FIGNL2: variants seen among roughly 807,000 people sequenced by gnomAD.
The protein encoded by FIGNL2 is fidgetin like 2.
For synonymous variants in FIGNL2, 565 were observed against 484.0 expected (o/e 1.17, Z -2.20); for missense variants, 1,060 against 950.2 (o/e 1.12, Z -1.52).
chr12:51,836,109 C>T (rs1200701970), intron 1 of FIGNL2, among the ~76,000 whole-genome samples: 2 of 152,322 alleles, frequency 1.3e-5, no homozygotes, highest in East Asian at 3.9e-4. Context: ...CCGTGCCCTG[C>T]AGGCTTCTTT....
chr12:51,847,276 G>C (rs1191454723), intron 1 of FIGNL2: 33 of 985,288 alleles, frequency 3.3e-5, no homozygotes, highest in Non-Finnish European at 4.0e-5. Flanking sequence ...GCATCTGCGG[G>C]CCCAGCCCAC....
At chr12:51,834,654 G>A (rs1199517870) in intron 1 of FIGNL2, among the ~76,000 whole-genome samples, 6 of 152,200 alleles carry the variant, frequency 3.9e-5, no homozygotes, top group Non-Finnish European at 5.9e-5. Context: ...CTGGCCAAGC[G>A]GCCCCCATCT....
Position 51,820,671 on chromosome 12 carries a change from C to T in FIGNL2, c.1743G>A (p.Arg581=), listed in dbSNP as rs1281918266. 6.6e-7 allele frequency: 1 copy of T among 1,513,646 alleles called. No homozygotes were observed. Among genetic ancestry groups the T allele is most frequent in the East Asian group, 2.6e-5 (1 of 37,850 alleles). The allele number at this position is 1,513,646 out of a possible 1,614,324, so 93.8% of individuals were successfully genotyped here. ...LAQQGCALSE[R]ELAALVQGTQ... ...TGCCCTGCACCAGCGCCGCCAGTTC[C>T]CGCTCACTGAGCGCGCAGCCCTGCT... Residue 581 remains arginine, a synonymous_variant, in exon 2 of 2, where the codon CGG becomes CGA. Transcript: ENST00000618634.
intron 1 of FIGNL2, chr12:51,824,092 C>T (rs12367439): frequency 0.29 from 43,719 of 152,128 alleles, 6,746 homozygotes; most frequent in Admixed American, 0.35. Flanking sequence ...GCTCACGTAC[C>T]GTATTCCCTT....
chr12:51,830,730 ATTCGCCCGCCTTGG>A (rs1201053081), intron 1 of FIGNL2, among the ~76,000 whole-genome samples: 3 of 151,882 alleles, frequency 2.0e-5, no homozygotes, highest in Admixed American at 6.6e-5. Context: ...TGACCTCATG[ATTCGCCCGCCTTGG>A]CCTCCTAAAG....
At chr12:51,831,606 T>C (rs1939470675) in intron 1 of FIGNL2, among the ~76,000 whole-genome samples, 1 of 152,178 alleles carries the variant, frequency 6.6e-6, no homozygotes, top group Admixed American at 6.5e-5. Flanking sequence ...AATGCTTTCC[T>C]TCCCTGTCCC....
chr12:51,822,475 G>T (rs1264357284), intron 1 of FIGNL2, 51 bp from the exon 2 acceptor site: 3 of 1,597,076 alleles, frequency 1.9e-6, no homozygotes, highest in East Asian at 4.5e-5. Context: ...CGAGGACCCA[G>T]TGGGCCACTG....
chr12:51,821,577 G>A lies in FIGNL2; in HGVS notation c.837C>T (p.Arg279=), dbSNP rs773106416. ...CCTTGGCGGGCTCGTACGCGTACTT[G>A]CGGTAGCGGCCCTCGGGCCCCTCGT... is the stretch of plus-strand genomic sequence containing the variant. ...AADEGPEGRY[R]KYAYEPAKAP... The change falls in exon 2 of 2, where the codon CGC becomes CGT. Residue 279 remains arginine, a synonymous_variant. Coordinates refer to ENST00000618634, the MANE Select transcript of FIGNL2 (RefSeq NM_001384995.1). 2 of 1,527,420 alleles carry A rather than the reference G, an allele frequency of 1.3e-6. No individual in the cohort carries two copies. The highest frequency in any genetic ancestry group is 1.7e-6 in the Non-Finnish European group (2 of 1,144,806). 94.6% of individuals were successfully genotyped at this position (1,527,420 alleles called of 1,614,324 possible). A position where few individuals can be genotyped will look rare whatever the true frequency, so the allele number is the denominator to read the frequency against.
chr12:51,833,366 A>G (rs1592191818), intron 1 of FIGNL2, among the ~76,000 whole-genome samples: 2 of 150,792 alleles, frequency 1.3e-5, no homozygotes, highest in Non-Finnish European at 3.0e-5. Flanking sequence ...CTTCCATCTC[A>G]CCTCCCCCTT....
Position 51,821,787 on chromosome 12 carries a change from G to A in FIGNL2, c.627C>T (p.Gly209=). Reference sequence around the variant, plus strand: ...CGCCATAGCCGGGCTGCGCTGCGTAGCCCCCTGCGGGATAGTTGTACAGCG... The same window carrying A: ...CGCCATAGCCGGGCTGCGCTGCGTAACCCCCTGCGGGATAGTTGTACAGCG... The part of the protein sequence containing the change: ...SAPLYNYPAG[G]YAAQPGYGAL... Residue 209 remains glycine, a synonymous_variant, in exon 2 of 2, where the codon GGC becomes GGT. Coordinates refer to ENST00000618634, the MANE Select transcript of FIGNL2 (RefSeq NM_001384995.1). 2 of 1,276,536 alleles carry A rather than the reference G, an allele frequency of 1.6e-6. No homozygotes were observed. The highest frequency in any genetic ancestry group is 2.0e-6 in the Non-Finnish European group (2 of 1,017,582). 79.1% of individuals were successfully genotyped at this position (1,276,536 alleles called of 1,614,324 possible).
At chr12:51,837,000 C>T (rs989651966) in intron 1 of FIGNL2, among the ~76,000 whole-genome samples, 3 of 152,132 alleles carry the variant, frequency 2.0e-5, no homozygotes, top group Non-Finnish European at 2.9e-5. Context: ...TCCCACTGTC[C>T]GGTGGCCCCC....
At chr12:51,830,182 G>T (rs1939425089) in intron 1 of FIGNL2, among the ~76,000 whole-genome samples, 6 of 151,174 alleles carry the variant, frequency 4.0e-5, no homozygotes, top group Admixed American at 4.0e-4. Context: ...CCAGCTACTT[G>T]AGAGGTTGAG....
intron 1 of FIGNL2, among the ~76,000 whole-genome samples, chr12:51,836,349 C>T (rs2138994928): frequency 6.6e-6 from 1 of 152,262 alleles, no homozygotes; most frequent in African/African-American, 2.4e-5. Context: ...GCTCAACACC[C>T]CTCCCCCACC....
In FIGNL2 at chr12:51,820,971, G is replaced by C. The variant is rs1347812775; in HGVS notation, c.1443C>G (p.Arg481=). ...TGAGGAGTACGGAGGGTGGGCGGCA[G>C]CGCGCGGCCGCGAAGGCGGCCTGGA... is the stretch of plus-strand genomic sequence containing the variant. ...RLLQAAFAAA[R]CRPPSVLLIS... is the part of the protein sequence containing the mutation. Residue 481 remains arginine (R), a synonymous_variant, in exon 2 of 2, where the codon CGC becomes CGG. Transcript: ENST00000618634. The C allele has an allele frequency of 1.1e-5, 14 of 1,218,576 alleles. No individual in the cohort carries two copies. The allele number at this position is 1,218,576 out of a possible 1,614,324, so 75.5% of individuals were successfully genotyped here.
chr12:51,826,534 G>A (rs1454334353), intron 1 of FIGNL2, among the ~76,000 whole-genome samples: 1 of 151,440 alleles, frequency 6.6e-6, no homozygotes, highest in East Asian at 1.9e-4. Flanking sequence ...AGCTACTTGG[G>A]AGGCTGAGGC....
chr12:51,832,957 A>G (rs1939500102), intron 1 of FIGNL2, among the ~76,000 whole-genome samples: 1 of 151,520 alleles, frequency 6.6e-6, no homozygotes, highest in African/African-American at 2.4e-5. Flanking sequence ...CTTCTCTTTC[A>G]CTCTTCAGAA....
In FIGNL2 at chr12:51,821,445, C is replaced by A; in HGVS notation, c.969G>T (p.Lys323Asn). Reference sequence around the variant, plus strand: ...CCTTGAGGGGGACGCCGCCACCGTACTTGCCCGACGCCTCCTCCGCGGCTC... The same window carrying A: ...CCTTGAGGGGGACGCCGCCACCGTAATTGCCCGACGCCTCCTCCGCGGCTC... ...PPGAAEEASG[K>N]YGGGVPLKVL... Residue 323 changes from lysine to asparagine, a missense_variant, in exon 2 of 2, where the codon AAG (lysine) becomes AAT (asparagine). Transcript: ENST00000618634. 1 of 1,539,406 alleles carries A rather than the reference C, an allele frequency of 6.5e-7. No homozygotes were observed. Among genetic ancestry groups the A allele is most frequent in the Non-Finnish European group, 8.7e-7 (1 of 1,145,750 alleles).
In FIGNL2 at chr12:51,822,024, C is replaced by G. The variant is rs376328077; in HGVS notation, c.390G>C (p.Gly130=). ...SGGGGGSGAL[G]GSPVLAGNLP... The stretch of plus-strand genomic sequence containing the variant: ...GGTTCCCGGCTAAAACTGGGGAGCC[C>G]CCCAGGGCCCCGGAACCGCCGCCAC... Residue 130 remains glycine, a synonymous_variant, in exon 2 of 2, where the codon GGG becomes GGC. Coordinates refer to ENST00000618634, the MANE Select transcript of FIGNL2 (RefSeq NM_001384995.1). 2 of 1,602,792 alleles carry G rather than the reference C, an allele frequency of 1.2e-6. No homozygotes were observed. Among genetic ancestry groups the G allele is most frequent in the Middle Eastern group, 3.5e-4 (2 of 5,684 alleles).
At chr12:51,848,507 C>G (rs374507545) in intron 1 of FIGNL2, 33 bp downstream of exon 1, 5 of 983,838 alleles carry the variant, frequency 5.1e-6, no homozygotes, top group Middle Eastern at 5.2e-4. Context: ...TCACCTCCCC[C>G]CGCCCCATCC....
Sources: allele counts gnomAD v4.1 joint callset (sites outside exome capture counted in the v4.1 genomes callset), GRCh38; gene constraint gnomAD v4.1.1; transcripts MANE v1.5; gene names NCBI Gene and HGNC (gene_info 2026-07-23, HGNC 2026-07-21).